CALN1: variants seen among roughly 807,000 people sequenced by gnomAD.
CALN1 encodes the protein calneuron 1.
CALN1 carries 17 observed loss-of-function variants against 30.6 expected under a neutral mutation model. That is an observed-to-expected ratio of 0.56 (90% CI 0.38 to 0.83). The LOEUF is 0.83. Among genes scored for constraint, CALN1 ranks in the 40% least tolerant of loss-of-function variants. The pLI is 0.00. For missense variants in CALN1, 291 were observed against 354.9 expected (o/e 0.82, Z 1.45); for synonymous variants, 156 against 131.4 (o/e 1.19, Z -1.28).
intron 3 of CALN1, among the ~76,000 whole-genome samples, chr7:72,234,646 A>G (rs917878963): frequency 3.3e-5 from 5 of 151,998 alleles, no homozygotes; most frequent in South Asian, 2.1e-4. Context: ...GGGTTTTACT[A>G]TGTTGGCCAG....
chr7:72,343,953 C>T (rs138137031), intron 2 of CALN1, among the ~76,000 whole-genome samples: 1,955 of 152,232 alleles, frequency 0.013, 18 homozygotes, highest in Non-Finnish European at 0.021. Flanking sequence ...AAAAGGGCTT[C>T]TACATGTCTT....
intron 5 of CALN1, among the ~76,000 whole-genome samples, chr7:71,962,860 AAAGT>A (rs1227506575): frequency 6.6e-6 from 1 of 152,228 alleles, no homozygotes; most frequent in African/African-American, 2.4e-5. Flanking sequence ...TGAGATGAAC[AAAGT>A]AACAAGGAAA....
At chr7:71,945,752 T>C (rs542232764) in intron 5 of CALN1, among the ~76,000 whole-genome samples, 1 of 152,378 alleles carries the variant, frequency 6.6e-6, no homozygotes, top group South Asian at 2.1e-4. Context: ...CCACTGATTC[T>C]ACATGATGTG....
chr7:72,483,280 C>CTTTTTTTTTTT, the CALN1 span, among the ~76,000 whole-genome samples: 15 of 100,096 alleles, frequency 1.5e-4, no homozygotes, highest in South Asian at 3.5e-4. Context: ...TTTTCTTTTT[C>CTTTTTTTTTTT]TTTTTTTTTT....
intron 2 of CALN1, among the ~76,000 whole-genome samples, chr7:72,369,332 T>TA (rs1804077452): frequency 1.4e-5 from 2 of 142,990 alleles, no homozygotes; most frequent in African/African-American, 5.1e-5. Flanking sequence ...ATATATATAA[T>TA]TTATAAATAT....
At chr7:72,399,294 T>TG (rs1391079448) in intron 2 of CALN1, among the ~76,000 whole-genome samples, 1 of 111,310 alleles carries the variant, frequency 9.0e-6, no homozygotes, top group Admixed American at 9.8e-5. Flanking sequence ...TTTTTTGAGA[T>TG]GGAGTCTCAC....
chr7:71,966,025 C>T (rs1797513475), intron 5 of CALN1, among the ~76,000 whole-genome samples: 1 of 149,276 alleles, frequency 6.7e-6, no homozygotes, highest in African/African-American at 2.4e-5. Flanking sequence ...ATTCAATCTA[C>T]ACAATACTCA....
chr7:71,877,482 TA>T (rs1220149990), intron 5 of CALN1, among the ~76,000 whole-genome samples: 3 of 152,154 alleles, frequency 2.0e-5, no homozygotes, highest in African/African-American at 7.2e-5. Flanking sequence ...AGTGGCTACA[TA>T]TAAGATAAAT....
intron 4 of CALN1, among the ~76,000 whole-genome samples, chr7:72,041,912 G>A (rs539026190): frequency 7.9e-5 from 12 of 152,202 alleles, no homozygotes; most frequent in East Asian, 1.9e-4. Flanking sequence ...GCCTTCTGCC[G>A]TGATTGTGAG....
chr7:72,446,668 G>C (rs1585739544), intron 1 of CALN1, among the ~76,000 whole-genome samples: 1 of 152,280 alleles, frequency 6.6e-6, no homozygotes, highest in Non-Finnish European at 1.5e-5. Flanking sequence ...CAGGCAAGTC[G>C]AGTCAGGGTT....
chr7:72,356,534 T>C (rs1803240336), intron 2 of CALN1, among the ~76,000 whole-genome samples: 1 of 151,834 alleles, frequency 6.6e-6, no homozygotes, highest in Admixed American at 6.6e-5. Context: ...ATCACTAAAA[T>C]AATAATAAAA....
At chr7:72,185,450 G>A (rs985316249) in intron 3 of CALN1, among the ~76,000 whole-genome samples, 7 of 152,184 alleles carry the variant, frequency 4.6e-5, no homozygotes, top group Admixed American at 2.6e-4. Context: ...GCAGAGGAAG[G>A]CACAGAACTT....
intron 4 of CALN1, among the ~76,000 whole-genome samples, chr7:72,034,833 A>G: frequency 6.7e-6 from 1 of 148,808 alleles, no homozygotes; most frequent in African/African-American, 2.5e-5. Context: ...TCCAGGATCT[A>G]TAGGAAGATC....
intron 5 of CALN1, among the ~76,000 whole-genome samples, chr7:71,924,767 ATT>A (rs562677863): frequency 1.3e-5 from 2 of 151,890 alleles, no homozygotes; most frequent in Non-Finnish European, 2.9e-5. Flanking sequence ...TATTCTCCTG[ATT>A]TTTTTCTCTC....
chr7:72,202,031 A>G (rs1014918112), intron 3 of CALN1, among the ~76,000 whole-genome samples: 1 of 152,260 alleles, frequency 6.6e-6, no homozygotes, highest in Non-Finnish European at 1.5e-5. Flanking sequence ...GCAAGCCTCA[A>G]AACAATTCAA....
At chr7:72,095,842 G>A (rs1225074075) in intron 4 of CALN1, among the ~76,000 whole-genome samples, 1 of 152,112 alleles carries the variant, frequency 6.6e-6, no homozygotes, top group African/African-American at 2.4e-5. Flanking sequence ...CACCAGCCTG[G>A]GCAACATAGC....
At chr7:72,248,843 T>C (rs575573304) in intron 3 of CALN1, among the ~76,000 whole-genome samples, 2 of 152,142 alleles carry the variant, frequency 1.3e-5, no homozygotes, top group African/African-American at 4.8e-5. Context: ...AAAAATATAA[T>C]CTCAATCCCA....
chr7:71,869,144 A>G (rs1791771708), intron 5 of CALN1, among the ~76,000 whole-genome samples: 1 of 152,162 alleles, frequency 6.6e-6, no homozygotes, highest in Non-Finnish European at 1.5e-5. Flanking sequence ...ATAAGGGTCT[A>G]TATATACAGC....
chr7:72,404,996 A>AC (rs1281988214), intron 1 of CALN1, among the ~76,000 whole-genome samples: 6 of 152,236 alleles, frequency 3.9e-5, no homozygotes, highest in East Asian at 1.9e-4. Context: ...TGAACCAGAA[A>AC]CCCCCATGGT....
Sources: allele counts gnomAD v4.1 joint callset (sites outside exome capture counted in the v4.1 genomes callset), GRCh38; gene constraint gnomAD v4.1.1; transcripts MANE v1.5; gene names NCBI Gene and HGNC (gene_info 2026-07-23, HGNC 2026-07-21).